The following EPB41L2 variants were observed in gnomAD, a reference collection of about 807,000 sequenced individuals.
The protein encoded by EPB41L2 is erythrocyte membrane protein band 4.1 like 2, also known as band 4.1-like protein 2.
Under a neutral mutation model 113.0 loss-of-function variants are expected in EPB41L2, and 43 were observed. The ratio of observed to expected loss-of-function variants is 0.38; its 90% CI spans 0.30 to 0.49. The LOEUF (loss-of-function observed/expected upper bound fraction) is 0.49. Ranked by LOEUF, EPB41L2 falls within the 20% of genes least tolerant of loss-of-function variation. The pLI, the probability that EPB41L2 is intolerant of heterozygous loss-of-function variation, is 0.95. For missense variants in EPB41L2, 1,147 were observed against 1,223.4 expected, an observed-to-expected ratio of 0.94 and a Z score of 0.93; for synonymous variants, 442 against 436.7, an observed-to-expected ratio of 1.01 and a Z score of -0.15.
chr6:131,059,393 C>T (rs538409372), intron 1 of EPB41L2, among the ~76,000 whole-genome samples: 6 of 152,328 alleles, frequency 3.9e-5, no homozygotes, highest in African/African-American at 7.2e-5. Flanking sequence ...GGATTACAGG[C>T]GTGAGCCATC....
chr6:131,038,567 C>T (rs1263135913), intron 1 of EPB41L2, among the ~76,000 whole-genome samples: 1 of 152,144 alleles, frequency 6.6e-6, no homozygotes, highest in African/African-American at 2.4e-5. Flanking sequence ...TTTCACAAAT[C>T]AACCATGCCT....
intron 1 of EPB41L2, among the ~76,000 whole-genome samples, chr6:131,050,996 T>C (rs372783500): frequency 6.6e-6 from 1 of 152,208 alleles, no homozygotes; most frequent in African/African-American, 2.4e-5. Flanking sequence ...CTCTGATACA[T>C]AACAAAAACA....
chr6:131,043,243 G>C (rs1214553322), intron 1 of EPB41L2, among the ~76,000 whole-genome samples: 1 of 152,164 alleles, frequency 6.6e-6, no homozygotes, highest in African/African-American at 2.4e-5. Flanking sequence ...AGAGGTTGCA[G>C]TGAGCCAAAA....
intron 1 of EPB41L2, among the ~76,000 whole-genome samples, chr6:131,010,678 G>C (rs972484409): frequency 5.9e-5 from 9 of 152,118 alleles, no homozygotes; most frequent in Admixed American, 5.2e-4. Context: ...CTCCCAATGT[G>C]CTGGAATTAC....
intron 10 of EPB41L2, among the ~76,000 whole-genome samples, chr6:130,892,422 T>TTTTTTTTTTTTTTTTTTTTTTTTTTTTG (rs59118485): frequency 7.3e-6 from 1 of 136,070 alleles, no homozygotes; most frequent in Non-Finnish European, 1.6e-5. Context: ...TTTTTTTTTT[T>TTTTTTTTTTTTTTTTTTTTTTTTTTTTG]ATCATTATGT....
intron 1 of EPB41L2, among the ~76,000 whole-genome samples, chr6:131,046,998 C>CT (rs1365571759): frequency 1.3e-5 from 2 of 152,134 alleles, no homozygotes; most frequent in Non-Finnish European, 2.9e-5. Flanking sequence ...GTAGTTATGG[C>CT]TATAGGCTCT....
intron 1 of EPB41L2, among the ~76,000 whole-genome samples, chr6:131,001,605 G>A (rs4897480): frequency 0.8 from 121,516 of 152,106 alleles, 48,917 homozygotes; most frequent in African/African-American, 0.88. Flanking sequence ...CACCCCATGC[G>A]TTTGAAAACC....
chr6:130,917,994 T>C (rs776685269), intron 4 of EPB41L2, among the ~76,000 whole-genome samples: 2 of 152,220 alleles, frequency 1.3e-5, no homozygotes, highest in Non-Finnish European at 1.5e-5. Flanking sequence ...CAGGAATTTA[T>C]AGTGCTGAAA....
At chr6:130,872,379 AGT>A in intron 14 of EPB41L2, 1 of 1,287,950 alleles carries the variant, frequency 7.8e-7, no homozygotes, top group Non-Finnish European at 1.0e-6. Context: ...ACCTCAAGCA[AGT>A]GTGAGAAGGG....
intron 1 of EPB41L2, among the ~76,000 whole-genome samples, chr6:130,989,907 G>A (rs74832366): frequency 5.3e-5 from 8 of 152,324 alleles, no homozygotes; most frequent in Non-Finnish European, 8.8e-5. Context: ...TTAGAAATGG[G>A]ACAGTAAAGC....
chr6:131,030,274 G>A (rs1248161818), intron 1 of EPB41L2, among the ~76,000 whole-genome samples: 1 of 152,150 alleles, frequency 6.6e-6, no homozygotes, highest in Non-Finnish European at 1.5e-5. Flanking sequence ...CCCTCCTTGG[G>A]GCTGGAACAT....
chr6:130,957,170 A>C (rs185050481), intron 1 of EPB41L2, among the ~76,000 whole-genome samples: 2 of 152,132 alleles, frequency 1.3e-5, no homozygotes, highest in African/African-American at 2.4e-5. Context: ...ATCCCACCCA[A>C]CCATAATCAC....
Position 130,899,532 on chromosome 6 carries a change from T to C in EPB41L2, c.1195A>G (p.Lys399Glu), listed in dbSNP as rs559430491. The C allele has an allele frequency of 2.5e-6, 4 of 1,613,980 alleles. No individual in the cohort carries two copies. The highest frequency in any genetic ancestry group is 1.7e-5 in the Admixed American group (1 of 60,014). The change falls in exon 8 of 20, where the codon AAG (lysine) becomes GAG (glutamate). Residue 399 changes from lysine (K) to glutamate (E), a missense_variant. Coordinates refer to ENST00000337057, the MANE Select transcript of EPB41L2 (RefSeq NM_001431.4). ...QADSQFLENA[K>E]RLSMYGVDLH... is the part of the protein sequence containing the mutation. ...TCAACACCATACATGGAAAGCCTCTTTGCATTTTCTAAGAACTGGGAATCA... is the reference window on the plus strand; with the variant it reads ...TCAACACCATACATGGAAAGCCTCTCTGCATTTTCTAAGAACTGGGAATCA...
intron 8 of EPB41L2, 60 bp downstream of exon 8, chr6:130,899,431 C>G: frequency 7.4e-7 from 1 of 1,356,926 alleles, no homozygotes; most frequent in East Asian, 2.3e-5. Flanking sequence ...AAACTGGAGC[C>G]CTCTCAAAAC....
In EPB41L2 at chr6:130,878,154, T is replaced by C; in HGVS notation, c.1993A>G (p.Asn665Asp). ...GTGATACGTCGTTTTTCCCATTCAT[T>C]AGGGCGCGGCTCAGGTGTGGATTCC... ...FMESTPEPRP[N>D]EWEKRRITPL... The change falls in exon 14 of 20, where the codon AAT becomes GAT. Residue 665 changes from asparagine to aspartate, a missense_variant. Physicochemically the swap from Asn to Asp is conservative, Grantham distance 23. Transcript: ENST00000337057. 1.2e-6 allele frequency: 2 copies of C among 1,613,544 alleles called. No individual in the cohort carries two copies. Among genetic ancestry groups the C allele is most frequent in the South Asian group, 1.1e-5 (1 of 90,950 alleles).
chr6:130,960,754 T>C (rs991282660), intron 1 of EPB41L2, among the ~76,000 whole-genome samples: 1 of 152,196 alleles, frequency 6.6e-6, no homozygotes, highest in Non-Finnish European at 1.5e-5. Flanking sequence ...TTACAGTACA[T>C]CCACTCACCC....
At chr6:130,865,687 G>A (rs1191722332) in intron 16 of EPB41L2, 53 bp from the exon 17 acceptor site, 1 of 1,566,184 alleles carries the variant, frequency 6.4e-7, no homozygotes, top group African/African-American at 1.4e-5. Flanking sequence ...CTGTTATGTT[G>A]TCAGAGAAGA....
chr6:131,003,186 T>C (rs899957308), intron 1 of EPB41L2, among the ~76,000 whole-genome samples: 21 of 151,778 alleles, frequency 1.4e-4, no homozygotes, highest in African/African-American at 5.1e-4. Context: ...TAACACTGAG[T>C]GAAAAATGAC....
At chr6:130,979,408 T>C (rs912503408) in intron 1 of EPB41L2, among the ~76,000 whole-genome samples, 2 of 150,538 alleles carry the variant, frequency 1.3e-5, no homozygotes, top group Admixed American at 6.7e-5. Context: ...GACATGAGAA[T>C]TGCTTGAACC....
Sources: gnomAD v4.1 joint callset for allele counts (sites outside exome capture counted in the v4.1 genomes callset) on GRCh38, gnomAD v4.1.1 for gene constraint, MANE v1.5 for transcripts, NCBI Gene and HGNC (gene_info 2026-07-23, HGNC 2026-07-21) for gene names.